RNF17: variants seen among roughly 807,000 people sequenced by gnomAD.
RNF17 encodes the protein spermatogenesis associated 23.
Under a neutral mutation model 200.5 loss-of-function variants are expected in RNF17, and 31 were observed. That is an observed-to-expected ratio of 0.15 (90% CI 0.12 to 0.21). The LOEUF is 0.21. Ranked by LOEUF, RNF17 falls within the 10% of genes least tolerant of loss-of-function variation. The pLI is 1.00. For synonymous variants in RNF17, 606 were observed against 637.8 expected (o/e 0.95, Z 0.75); for missense variants, 1,628 against 1,905.1 (o/e 0.85, Z 2.71).
Position 24,785,000 on chromosome 13 carries a change from CCT to C in RNF17, c.612-2987_612-2986del, listed in dbSNP as rs1441683386. ...GGGATTACAGGTGTGAGCCATCACG[CCT>C]GGCCTGATTCTCTTTTCTTAGTGTG... On this transcript the variant is annotated intron_variant, in intron 6 of 35. Transcript: ENST00000255324. 2.0e-5 allele frequency among the ~76,000 whole-genome samples: 3 copies of C among 152,250 alleles called. No individual in the cohort carries two copies. The East Asian group carries it at 5.8e-4, about 29-fold the overall frequency.
rs1236058468 is a variant in RNF17, at chr13:24,788,168, A to C, written c.783+9A>C. 14 of 1,565,990 alleles carry C rather than the reference A, an allele frequency of 8.9e-6. No homozygotes were observed. The highest frequency in any genetic ancestry group is 1.1e-5 in the Non-Finnish European group (13 of 1,160,600). ...ACTGTGACCTGAATCAGGTAATTTA[A>C]TAGTTCACAATGTGAGTTATTTCTG... On this transcript the variant is annotated intron_variant, in intron 7 of 35. Coordinates refer to ENST00000255324, the MANE Select transcript of RNF17 (RefSeq NM_031277.3).
At chr13:24,888,160 T>C in the RNF17 span, among the ~76,000 whole-genome samples, 1 of 152,042 alleles carries the variant, frequency 6.6e-6, no homozygotes, top group East Asian at 1.9e-4. Flanking sequence ...AAGAAAATGG[T>C]GTACTTGTGG....
At chr13:24,828,296 G>T (rs1220576221) in intron 16 of RNF17, among the ~76,000 whole-genome samples, 2 of 151,966 alleles carry the variant, frequency 1.3e-5, no homozygotes, top group Non-Finnish European at 2.9e-5. Flanking sequence ...ATGTATGTGT[G>T]ATTTGTCTGG....
At chr13:24,782,900 T>TA (rs1394300657) in intron 6 of RNF17, among the ~76,000 whole-genome samples, 2 of 152,230 alleles carry the variant, frequency 1.3e-5, no homozygotes, top group African/African-American at 4.8e-5. Context: ...CAAAAGTTTT[T>TA]AATTTTATGA....
At chr13:24,763,568 T>C (rs1879079187), upstream of RNF17, among the ~76,000 whole-genome samples, 1 of 152,010 alleles carries the variant, frequency 6.6e-6, no homozygotes. Context: ...ATAACACTTA[T>C]TTTGGCGGAA....
Position 24,793,092 on chromosome 13 carries a change from A to G in RNF17, c.986A>G (p.Asn329Ser), listed in dbSNP as rs1884082823. 6.3e-7 allele frequency: 1 copy of G among 1,596,192 alleles called. No homozygotes were observed. Residue 329 changes from asparagine (N) to serine (S), a missense_variant, in exon 10 of 36, where the codon AAT becomes AGT. Asn to Ser is a conservative substitution (Grantham distance 46). This residue lies in a region of RNF17 where 502 missense variants were observed against 501.7 expected (regional missense o/e 1.00). Coordinates refer to ENST00000255324, the MANE Select transcript of RNF17 (RefSeq NM_031277.3). ...AGACAGAATGTTCAAAAGAAATATA[A>G]TAACAAAAAGGAACTTTCTTGTTAC... ...EIRQNVQKKY[N>S]NKKELSCYDT...
At chr13:24,848,694 A>G (rs897575006) in intron 22 of RNF17, among the ~76,000 whole-genome samples, 2 of 152,114 alleles carry the variant, frequency 1.3e-5, no homozygotes, top group African/African-American at 4.8e-5. Flanking sequence ...ACATTGTTGT[A>G]TAGCATTTAC....
At position 24,767,296 on chromosome 13, in the gene RNF17, G is replaced by A. The variant is rs772194356; in HGVS notation, c.155G>A (p.Gly52Glu). 5.0e-6 allele frequency: 8 copies of A among 1,610,482 alleles called. No homozygotes were observed. Among genetic ancestry groups the A allele is most frequent in the Non-Finnish European group, 6.8e-6 (8 of 1,176,918 alleles). Residue 52 changes from glycine (G) to glutamate (E), a missense_variant, in exon 2 of 36, where the codon GGA becomes GAA. Transcript: ENST00000255324. ...SSGHHCELQCGHAFCELCLLM... is the reference protein window; with the variant it reads ...SSGHHCELQCEHAFCELCLLM... ...GGTCACCATTGTGAACTTCAATGTG[G>A]ACATGCTTTTTGTGAACTATGCTTG...
chr13:24,839,801 C>G (rs2138104737), intron 18 of RNF17, among the ~76,000 whole-genome samples: 1 of 152,278 alleles, frequency 6.6e-6, no homozygotes, highest in South Asian at 2.1e-4. Context: ...GTTGGAAAAA[C>G]CTTTCTAGAC....
chr13:24,867,008 C>T (rs1282894128), intron 30 of RNF17, among the ~76,000 whole-genome samples: 1 of 152,032 alleles, frequency 6.6e-6, no homozygotes, highest in Non-Finnish European at 1.5e-5. Context: ...TATGCTTGTC[C>T]TGGTGATTAG....
chr13:24,881,614 T>C (rs1423923918), downstream of RNF17, among the ~76,000 whole-genome samples: 8 of 151,406 alleles, frequency 5.3e-5, no homozygotes, highest in African/African-American at 1.9e-4. Flanking sequence ...CTAGATTACA[T>C]AGCTATCTAT....
chr13:24,778,961 G>A (rs116143918), intron 4 of RNF17, among the ~76,000 whole-genome samples: 1,726 of 152,276 alleles, frequency 0.011, 32 homozygotes, highest in African/African-American at 0.035. Flanking sequence ...GACCAAGATG[G>A]GTAGATCACT....
At chr13:24,786,922 C>G (rs181476186) in intron 6 of RNF17, among the ~76,000 whole-genome samples, 154 of 152,252 alleles carry the variant, frequency 1.0e-3, no homozygotes, top group African/African-American at 3.5e-3. Flanking sequence ...TTGTCTCTCT[C>G]TTCTCCTGTG....
chr13:24,754,987 C>T, the RNF17 span, among the ~76,000 whole-genome samples: 4 of 151,404 alleles, frequency 2.6e-5, no homozygotes, highest in African/African-American at 7.3e-5. Context: ...TTGCACATGC[C>T]GAGAACTACA....
chr13:24,869,196 G>A lies in RNF17; in HGVS notation c.4278+480G>A, dbSNP rs146487657. Among the ~76,000 whole-genome samples, 455 of 152,288 alleles carry A rather than the reference G, an allele frequency of 3.0e-3. 5 individuals are homozygous for A. Among genetic ancestry groups the A allele is most frequent in the African/African-American group, 0.01 (436 of 41,562 alleles). On this transcript the variant is annotated intron_variant, in intron 31 of 35. Transcript: ENST00000255324. ...GGCACCCGGTGAATATTGATTGAAT[G>A]TGTGAATAAAGGCACTAAAAGTTCA...
At chr13:24,830,741 G>A in intron 17 of RNF17, 142 bp downstream of exon 17, 1 of 642,298 alleles carries the variant, frequency 1.6e-6, no homozygotes, top group Non-Finnish European at 2.8e-6. Flanking sequence ...ATGTTGCTGT[G>A]GTTACTATTG....
At chr13:24,878,971 G>C (rs1895148534) in intron 34 of RNF17, among the ~76,000 whole-genome samples, 1 of 152,158 alleles carries the variant, frequency 6.6e-6, no homozygotes, top group African/African-American at 2.4e-5. Context: ...CTTCATTTAG[G>C]AAGACCTTGT....
chr13:24,838,433 A>T (rs1430246130), intron 18 of RNF17, among the ~76,000 whole-genome samples: 1 of 152,232 alleles, frequency 6.6e-6, no homozygotes, highest in Non-Finnish European at 1.5e-5. Flanking sequence ...AAAATCCTTA[A>T]CAAAATACTA....
At chr13:24,822,343 T>C (rs1490350021) in intron 15 of RNF17, among the ~76,000 whole-genome samples, 2 of 152,198 alleles carry the variant, frequency 1.3e-5, no homozygotes, top group African/African-American at 4.8e-5. Context: ...ATTTGGGGGC[T>C]GCTTTTCACT....
Sources: gnomAD v4.1 joint callset for allele counts (sites outside exome capture counted in the v4.1 genomes callset) on GRCh38, gnomAD v4.1.1 for gene constraint, gnomAD v4.1.1 regional missense constraint, MANE v1.5 for transcripts, NCBI Gene and HGNC (gene_info 2026-07-23, HGNC 2026-07-21) for gene names.